Variants in SNAP23 observed in about 807,000 individuals in gnomAD.
SNAP23 encodes the protein synaptosome associated protein 23.
Under a neutral mutation model 29.0 loss-of-function variants are expected in SNAP23, and 11 were observed. The observed-to-expected ratio is 0.38, with a 90% confidence interval of 0.24 to 0.63. The LOEUF (loss-of-function observed/expected upper bound fraction) is 0.63, where lower values mean the gene tolerates loss of function less well. SNAP23 is among the 20% of genes least tolerant of loss of function. The pLI, the probability that SNAP23 is intolerant of heterozygous loss-of-function variation, is 0.58. For synonymous variants in SNAP23, 60 were observed against 82.9 expected, an observed-to-expected ratio of 0.72 and a Z score of 1.50; for missense variants, 220 against 253.9, an observed-to-expected ratio of 0.87 and a Z score of 0.91.
At chr15:42,519,044 T>G (rs1463848505) in intron 5 of SNAP23, among the ~76,000 whole-genome samples, 2 of 147,426 alleles carry the variant, frequency 1.4e-5, no homozygotes, top group Non-Finnish European at 2.9e-5. Context: ...TAAAAACTTT[T>G]GTTTCTTCTT....
At chr15:42,505,487 C>T (rs2057309254) in intron 1 of SNAP23, 1 of 151,776 alleles carries the variant, frequency 6.6e-6, no homozygotes, top group African/African-American at 2.4e-5. Flanking sequence ...CTGTGTATTT[C>T]TTTCCAAGAA....
chr15:42,525,402 G>T (rs1595529333), intron 5 of SNAP23, among the ~76,000 whole-genome samples: 1 of 114,946 alleles, frequency 8.7e-6, no homozygotes. Flanking sequence ...TCAGCTTTTT[G>T]TGTCTTTTCC....
At chr15:42,492,636 C>G (rs1463343458), upstream of SNAP23, 1 of 138,510 alleles carries the variant, frequency 7.2e-6, no homozygotes, top group Non-Finnish European at 1.5e-5. Context: ...CGAGACCTCG[C>G]CCCTGCACTC....
chr15:42,507,856 G>A (rs2057327154), intron 1 of SNAP23, among the ~76,000 whole-genome samples: 1 of 151,954 alleles, frequency 6.6e-6, no homozygotes, highest in South Asian at 2.1e-4. Context: ...TGAACAACAT[G>A]GGCTTGAACT....
intron 5 of SNAP23, among the ~76,000 whole-genome samples, chr15:42,520,461 A>G (rs996684488): frequency 6.6e-6 from 1 of 152,158 alleles, no homozygotes; most frequent in Non-Finnish European, 1.5e-5. Context: ...CAGAATAGTA[A>G]ACTGCTTGAT....
rs907903256 is a variant in SNAP23, at chr15:42,511,794, C to T, written c.-14-39C>T. ...ACACAAACTTTTATATATCCTTATT[C>T]TTATACAATATCCACATTTCCATTT... On this transcript the variant is annotated intron_variant, in intron 1 of 7. Coordinates refer to ENST00000249647, the MANE Select transcript of SNAP23 (RefSeq NM_003825.4). The T allele has an allele frequency of 4.7e-6, 6 of 1,277,226 alleles. No homozygotes were observed. In the African/African-American group the frequency reaches 6.0e-5, roughly 13 times the overall value. The allele number at this position is 1,277,226 out of a possible 1,614,324, so 79.1% of individuals were successfully genotyped here. A position where few individuals can be genotyped will look rare whatever the true frequency, so the allele number is the denominator to read the frequency against.
At chr15:42,516,300 G>A (rs1460789917) in intron 5 of SNAP23, among the ~76,000 whole-genome samples, 2 of 152,116 alleles carry the variant, frequency 1.3e-5, no homozygotes, top group Non-Finnish European at 2.9e-5. Flanking sequence ...AAAGTGCTAG[G>A]ATTACAGGCA....
At chr15:42,529,585 C>A in intron 6 of SNAP23, 90 bp from the exon 7 acceptor site, 1 of 1,327,942 alleles carries the variant, frequency 7.5e-7, no homozygotes, top group East Asian at 2.4e-5. Flanking sequence ...TGCTGAGAGT[C>A]ATTTTGGTTA....
At chr15:42,521,409 T>C (rs2057448180) in intron 5 of SNAP23, 1 of 963,956 alleles carries the variant, frequency 1.0e-6, no homozygotes, top group Non-Finnish European at 1.2e-6. Context: ...TGAAATGTGC[T>C]CTGGTTTAAA....
At chr15:42,493,585 C>A (rs1256281020), upstream of SNAP23, among the ~76,000 whole-genome samples, 1 of 152,062 alleles carries the variant, frequency 6.6e-6, no homozygotes. Flanking sequence ...CATACATTTT[C>A]TCCACCTCTG....
intron 5 of SNAP23, among the ~76,000 whole-genome samples, chr15:42,524,729 C>T (rs2057482183): frequency 6.6e-6 from 1 of 152,198 alleles, no homozygotes; most frequent in South Asian, 2.1e-4. Flanking sequence ...AAGGTATTAC[C>T]TTTAAAGCAT....
intron 5 of SNAP23, among the ~76,000 whole-genome samples, chr15:42,526,672 C>T (rs2057505824): frequency 6.6e-6 from 1 of 152,098 alleles, no homozygotes; most frequent in South Asian, 2.1e-4. Flanking sequence ...ATTTGAGCAA[C>T]ATACTATTTC....
chr15:42,522,730 A>C (rs1384604121), intron 5 of SNAP23, among the ~76,000 whole-genome samples: 1 of 150,106 alleles, frequency 6.7e-6, no homozygotes. Flanking sequence ...AAAAAAAAAA[A>C]AAAAAAGAAA....
chr15:42,502,902 C>G (rs527756815), intron 1 of SNAP23, among the ~76,000 whole-genome samples: 1 of 152,118 alleles, frequency 6.6e-6, no homozygotes, highest in Admixed American at 6.5e-5. Flanking sequence ...GAAGACCAGG[C>G]GTTGGACATC....
intron 4 of SNAP23, 44 bp downstream of exon 4, chr15:42,513,491 C>G: frequency 6.7e-7 from 1 of 1,495,654 alleles, no homozygotes; most frequent in South Asian, 1.1e-5. Context: ...GACTGTGATG[C>G]CAAAAAGCCC....
chr15:42,522,734 AAAG>A (rs1395082410), intron 5 of SNAP23, among the ~76,000 whole-genome samples: 4 of 149,954 alleles, frequency 2.7e-5, no homozygotes, highest in Non-Finnish European at 4.4e-5. Flanking sequence ...AAAAAAAAAA[AAAG>A]AAATTATCGT....
intron 5 of SNAP23, among the ~76,000 whole-genome samples, chr15:42,523,166 C>T (rs1281730169): frequency 6.9e-6 from 1 of 145,764 alleles, no homozygotes; most frequent in East Asian, 2.0e-4. Flanking sequence ...TTGAATGAGA[C>T]GTTTAAGTGG....
chr15:42,510,918 A>T (rs934864730), intron 1 of SNAP23, among the ~76,000 whole-genome samples: 1 of 152,164 alleles, frequency 6.6e-6, no homozygotes, highest in Non-Finnish European at 1.5e-5. Flanking sequence ...AACTCCAGAC[A>T]TTGCCAGATT....
intron 1 of SNAP23, among the ~76,000 whole-genome samples, chr15:42,501,131 G>A (rs562384050): frequency 1.4e-4 from 22 of 152,284 alleles, no homozygotes; most frequent in Admixed American, 1.1e-3. Context: ...TTGAGGTCAG[G>A]AGTTCAAGAC....
Sources: allele counts gnomAD v4.1 joint callset (sites outside exome capture counted in the v4.1 genomes callset), GRCh38; gene constraint gnomAD v4.1.1; transcripts MANE v1.5; gene names NCBI Gene and HGNC (gene_info 2026-07-23, HGNC 2026-07-21).